The following PALD1 variants were observed in gnomAD, a reference collection of about 807,000 sequenced individuals.
PALD1 encodes phosphatase domain containing paladin 1.
Under a neutral mutation model 96.0 loss-of-function variants are expected in PALD1, and 57 were observed. The observed-to-expected ratio is 0.59, with a 90% CI of 0.48 to 0.74. PALD1 has a LOEUF of 0.74. Among genes scored for constraint, PALD1 ranks in the 30% least tolerant of loss-of-function variants. The probability of loss-of-function intolerance (pLI) is 0.00; values close to 1 mark genes in which losing one functional copy is unlikely to be tolerated. For missense variants in PALD1, 1,063 were observed against 1,143.7 expected, an observed-to-expected ratio of 0.93 and a Z score of 1.02; for synonymous variants, 464 against 473.6, an observed-to-expected ratio of 0.98 and a Z score of 0.26.
chr10:70,490,877 C>T (rs113767001), intron 1 of PALD1, among the ~76,000 whole-genome samples: 2 of 152,146 alleles, frequency 1.3e-5, no homozygotes, highest in South Asian at 2.1e-4. Flanking sequence ...GCCCGATACT[C>T]GGAAAGCTGG....
the PALD1 span, among the ~76,000 whole-genome samples, chr10:70,468,701 AC>A: frequency 1.1e-4 from 11 of 101,150 alleles, no homozygotes; most frequent in Admixed American, 1.1e-3. Context: ...ATGAGGCAGG[AC>A]TGTGTGTGTG....
At position 70,538,331 on chromosome 10, in the gene PALD1, G is replaced by T; in HGVS notation, c.1375G>T (p.Glu459Ter). 6.2e-7 allele frequency: 1 copy of T among 1,607,932 alleles called. No homozygotes were observed. ...SFSRWLCAHP[E>*]LYRLPVTLSS... ...CAGCCGCTGGCTGTGTGCCCACCCTGAGCTGTACCGCCTGCCCGTGACGCT... is the reference window on the plus strand; with the variant it reads ...CAGCCGCTGGCTGTGTGCCCACCCTTAGCTGTACCGCCTGCCCGTGACGCT... The change falls in exon 12 of 20, where the codon GAG (glutamate) becomes TAG (stop). Residue 459 changes from glutamate (E) to a stop codon, truncating the protein, a stop_gained. Coordinates refer to ENST00000263563, the MANE Select transcript of PALD1 (RefSeq NM_014431.3). LOFTEE classifies it high-confidence loss of function.
At chr10:70,466,083 C>A in the PALD1 span, among the ~76,000 whole-genome samples, 2 of 152,146 alleles carry the variant, frequency 1.3e-5, no homozygotes, top group African/African-American at 4.8e-5. Context: ...TCTACCTCCT[C>A]CACATGCTGG....
At chr10:70,478,145 C>G (rs1845858490), upstream of PALD1, among the ~76,000 whole-genome samples, 1 of 152,166 alleles carries the variant, frequency 6.6e-6, no homozygotes, top group Non-Finnish European at 1.5e-5. Context: ...TGCTGTTCCC[C>G]TCTCACCTCT....
chr10:70,486,179 C>A (rs1159103479), intron 1 of PALD1: 1 of 182,538 alleles, frequency 5.5e-6, no homozygotes, highest in East Asian at 1.4e-4. Flanking sequence ...GCCAGTTCTT[C>A]AACCACTGTT....
intron 1 of PALD1, among the ~76,000 whole-genome samples, chr10:70,494,060 G>A (rs10999352): frequency 1.3e-5 from 2 of 152,208 alleles, no homozygotes; most frequent in East Asian, 1.9e-4. Context: ...CAGCCGCACC[G>A]GCTAGCTCAT....
At chr10:70,503,630 T>A (rs1846336199) in intron 1 of PALD1, among the ~76,000 whole-genome samples, 1 of 152,116 alleles carries the variant, frequency 6.6e-6, no homozygotes, top group Admixed American at 6.5e-5. Context: ...CGAGACTCTG[T>A]CTCAGAAGAA....
intron 1 of PALD1, among the ~76,000 whole-genome samples, chr10:70,494,739 C>T (rs531916916): frequency 4.2e-4 from 64 of 152,342 alleles, no homozygotes; most frequent in African/African-American, 1.5e-3. Flanking sequence ...AGGGATTTCT[C>T]AGTTAAACCT....
In PALD1 at chr10:70,564,450, C is replaced by T. The variant is rs371520135; in HGVS notation, c.2349C>T (p.Leu783=). 3.1e-6 allele frequency: 5 copies of T among 1,614,050 alleles called. No homozygotes were observed. Among genetic ancestry groups the T allele is most frequent in the Non-Finnish European group, 3.4e-6 (4 of 1,180,028 alleles). ...QYLERYVCLI[L]FNAYLHLEKA... Reference sequence around the variant, plus strand: ...TGGAGCGCTATGTCTGCCTGATTCTCTTCAACGCGTACCTCCACCTGGAGA... The same window carrying T: ...TGGAGCGCTATGTCTGCCTGATTCTTTTCAACGCGTACCTCCACCTGGAGA... Residue 783 remains leucine, a synonymous_variant, in exon 19 of 20, where the codon CTC becomes CTT. Transcript: ENST00000263563.
chr10:70,519,604 T>C (rs1357128048), intron 1 of PALD1, among the ~76,000 whole-genome samples: 1 of 149,922 alleles, frequency 6.7e-6, no homozygotes, highest in East Asian at 2.0e-4. Context: ...AGACGAAGTC[T>C]GGCTCTGTCG....
chr10:70,470,101 T>C, the PALD1 span, among the ~76,000 whole-genome samples: 4 of 152,214 alleles, frequency 2.6e-5, no homozygotes, highest in Admixed American at 2.0e-4. Flanking sequence ...GCCCTGACTC[T>C]GTTTCTTTAA....
At position 70,539,224 on chromosome 10, in the gene PALD1, C is replaced by T. The variant is rs754547170; in HGVS notation, c.1702C>T (p.Pro568Ser). The T allele has an allele frequency of 2.4e-5, 38 of 1,610,976 alleles. No individual in the cohort carries two copies. The Admixed American group carries it at 6.2e-4, about 26-fold the overall frequency. ...CTACAGCCTGCGGTGGCCTGGGCCC[C>T]CTGTGGCTCCTGACCAGCTGGAGGT... is the stretch of plus-strand genomic sequence containing the variant. Reference protein sequence around the residue: ...HTYSLRWPGPPVAPDQLETLE... With the variant: ...HTYSLRWPGPSVAPDQLETLE... Residue 568 changes from proline to serine, a missense_variant, in exon 14 of 20, where the codon CCT becomes TCT. Physicochemically the swap from Pro to Ser is moderately conservative, Grantham distance 74 (BLOSUM62 -1). Coordinates refer to ENST00000263563, the MANE Select transcript of PALD1 (RefSeq NM_014431.3). This position sits in a 1 kb window ranked among gnomAD's most constrained non-coding sequence, Gnocchi z 4.5.
Position 70,539,016 on chromosome 10 carries a change from GC to G in PALD1, c.1569+11del. On this transcript the variant is annotated intron_variant, in intron 13 of 19. Coordinates refer to ENST00000263563, the MANE Select transcript of PALD1 (RefSeq NM_014431.3). The surrounding 1 kb of genome is among the most constrained non-coding windows in gnomAD (Gnocchi z 4.5). ...GCCCAGCCCAGCGCCAAGGTGACCG[GC>G]CCTCAGGGCCTGGGTCCCCCAGTGG... 6.2e-7 allele frequency: 1 copy of G among 1,613,568 alleles called. No homozygotes were observed. The highest frequency in any genetic ancestry group is 8.5e-7 in the Non-Finnish European group (1 of 1,179,784).
At chr10:70,556,906 A>G (rs4747051) in intron 18 of PALD1, among the ~76,000 whole-genome samples, 150,091 of 152,308 alleles carry the variant, frequency 0.99, 73,990 homozygotes, top group East Asian at 1. Context: ...CTGCTGCAAG[A>G]TCCACCTCTG....
At position 70,534,751 on chromosome 10, in the gene PALD1, A is replaced by G; in HGVS notation, c.1135A>G (p.Ile379Val). ...TCTCTGGCACCAGGTGGACAGAGCCATCACTGCCTGTGCCGAGTTGCATGA... is the reference window on the plus strand; with the variant it reads ...TCTCTGGCACCAGGTGGACAGAGCCGTCACTGCCTGTGCCGAGTTGCATGA... ...RRMVEEVDRA[I>V]TACAELHDLK... The change falls in exon 10 of 20, where the codon ATC (isoleucine) becomes GTC (valine). Residue 379 changes from isoleucine to valine, a missense_variant. Ile to Val is a conservative substitution (Grantham distance 29, BLOSUM62 3). Transcript: ENST00000263563. 4 of 1,568,020 alleles carry G rather than the reference A, an allele frequency of 2.6e-6. No homozygotes were observed. The highest frequency in any genetic ancestry group is 3.5e-6 in the Non-Finnish European group (4 of 1,154,050).
At chr10:70,517,655 T>C (rs1846646822) in intron 1 of PALD1, among the ~76,000 whole-genome samples, 2 of 152,154 alleles carry the variant, frequency 1.3e-5, no homozygotes, top group Admixed American at 6.5e-5. Context: ...GTGTTCAGTT[T>C]GATCAGCATT....
At position 70,532,788 on chromosome 10, in the gene PALD1, C is replaced by T. The variant is rs201606863; in HGVS notation, c.794+7C>T. On this transcript the variant is annotated splice_region_variant and intron_variant, in intron 6 of 19. Transcript: ENST00000263563. Reference sequence around the variant, plus strand: ...TCCTGCAGCCCACCTACAGGTACCACAGGGCCACCCCCAGCCCTGGCCATG... The same window carrying T: ...TCCTGCAGCCCACCTACAGGTACCATAGGGCCACCCCCAGCCCTGGCCATG... 6.2e-7 allele frequency: 1 copy of T among 1,613,686 alleles called. No homozygotes were observed. Among genetic ancestry groups the T allele is most frequent in the East Asian group, 2.2e-5 (1 of 44,874 alleles).
At chr10:70,533,835 G>C in intron 7 of PALD1, 87 bp from the exon 8 acceptor site, 1 of 1,268,390 alleles carries the variant, frequency 7.9e-7, no homozygotes, top group Non-Finnish European at 1.1e-6. Flanking sequence ...GGGCAGGGTG[G>C]GCTGATGTCA....
chr10:70,487,875 C>T (rs559095371), intron 1 of PALD1, among the ~76,000 whole-genome samples: 6 of 152,228 alleles, frequency 3.9e-5, no homozygotes, highest in African/African-American at 7.2e-5. Flanking sequence ...CCCTTGTAGC[C>T]GGTCACCACT....
Sources: allele counts gnomAD v4.1 joint callset (sites outside exome capture counted in the v4.1 genomes callset), GRCh38; gene constraint gnomAD v4.1.1; non-coding constraint Gnocchi (gnomAD v3.1); transcripts MANE v1.5; gene names NCBI Gene and HGNC (gene_info 2026-07-23, HGNC 2026-07-21).